The following DCDC1 variants were observed in gnomAD, a reference collection of about 807,000 sequenced individuals.
The protein encoded by DCDC1 is doublecortin domain containing 1.
In DCDC1, 200 loss-of-function variants were observed where a neutral mutation model predicts 178.3. The observed-to-expected ratio is 1.12, with a 90% CI of 1.00 to 1.26. DCDC1 has a LOEUF of 1.26. DCDC1 is among the 50% of genes most tolerant of loss of function. DCDC1 has a pLI of 0.00. For missense variants in DCDC1, 1,983 were observed against 1,749.2 expected, an observed-to-expected ratio of 1.13 and a Z score of -2.38; for synonymous variants, 690 against 604.8, an observed-to-expected ratio of 1.14 and a Z score of -2.07.
At chr11:31,249,843 G>A (rs1392465490) in intron 8 of DCDC1, among the ~76,000 whole-genome samples, 1 of 152,144 alleles carries the variant, frequency 6.6e-6, no homozygotes, top group Non-Finnish European at 1.5e-5. Context: ...TTATCCATAA[G>A]CCTAATCTTA....
chr11:31,095,378 G>A (rs188727328), intron 15 of DCDC1, among the ~76,000 whole-genome samples: 1 of 152,248 alleles, frequency 6.6e-6, no homozygotes, highest in East Asian at 1.9e-4. Flanking sequence ...TTCCACAGTG[G>A]TTGAACTAAT....
intron 19 of DCDC1, 71 bp from the exon 20 acceptor site, chr11:31,064,697 A>G (rs1956151039): frequency 1.4e-6 from 1 of 732,226 alleles, no homozygotes; most frequent in Non-Finnish European, 2.5e-6. Context: ...ATACATGCCA[A>G]AAATATAACA....
intron 7 of DCDC1, among the ~76,000 whole-genome samples, chr11:31,281,634 T>C (rs776130027): frequency 1.3e-5 from 2 of 152,120 alleles, no homozygotes; most frequent in Non-Finnish European, 2.9e-5. Flanking sequence ...ACTCCCATAA[T>C]TCCGTTTTGT....
Position 30,931,941 on chromosome 11 carries a change from C to T in DCDC1, c.2727G>A (p.Trp909Ter). The change falls in exon 22 of 39, where the codon TGG becomes TGA. Residue 909 changes from tryptophan to a stop codon, truncating the protein, a stop_gained. Coordinates refer to ENST00000684477, the MANE Select transcript of DCDC1 (RefSeq NM_001387274.1). LOFTEE classifies it high-confidence loss of function. ...TCGGAACAAGCAGTCCTTGTATTGGCCAATCAAACTCCTTCAGAAAGAAAT... is the reference window on the plus strand; with the variant it reads ...TCGGAACAAGCAGTCCTTGTATTGGTCAATCAAACTCCTTCAGAAAGAAAT... ...PSGQLNEEFD[W>*]PIQGLLVPSS... 1.2e-6 allele frequency: 2 copies of T among 1,604,824 alleles called. No individual in the cohort carries two copies. The highest frequency in any genetic ancestry group is 8.5e-7 in the Non-Finnish European group (1 of 1,176,258).
chr11:31,158,269 C>T (rs911883679), intron 9 of DCDC1, among the ~76,000 whole-genome samples: 2 of 151,762 alleles, frequency 1.3e-5, no homozygotes, highest in Admixed American at 1.3e-4. Flanking sequence ...CCATCACGCC[C>T]GGCTAATTTT....
chr11:30,880,096 G>A (rs1942512645), intron 37 of DCDC1, among the ~76,000 whole-genome samples: 1 of 152,076 alleles, frequency 6.6e-6, no homozygotes, highest in Admixed American at 6.6e-5. Flanking sequence ...CTACAAACTG[G>A]GGATACAGAA....
intron 17 of DCDC1, among the ~76,000 whole-genome samples, chr11:31,088,899 C>CA (rs1161273449): frequency 6.6e-6 from 1 of 152,126 alleles, no homozygotes; most frequent in East Asian, 1.9e-4. Context: ...TGGAATTCCA[C>CA]ATGTCACCCA....
intron 34 of DCDC1, 145 bp from the exon 35 acceptor site, chr11:30,894,529 A>G (rs1415666989): frequency 2.5e-6 from 3 of 1,177,072 alleles, no homozygotes; most frequent in Non-Finnish European, 3.5e-6. Flanking sequence ...AAAGATGCCT[A>G]AGGTAATAAT....
chr11:31,354,630 C>T (rs193070884), intron 1 of DCDC1, among the ~76,000 whole-genome samples: 4 of 152,244 alleles, frequency 2.6e-5, no homozygotes, highest in South Asian at 2.1e-4. Flanking sequence ...CATATTATCA[C>T]GCAAAAAGTG....
Position 31,087,668 on chromosome 11 carries a change from C to T in DCDC1, c.2237+3725G>A, listed in dbSNP as rs142943181. Among the ~76,000 whole-genome samples the T allele has an allele frequency of 2.0e-3, 297 of 152,180 alleles. 4 individuals carry two copies. The highest frequency in any genetic ancestry group is 6.5e-3 in the African/African-American group (272 of 41,550). ...AACTTGCCACTATATTTTAGTTTAA[C>T]TCCATTATCATCAGAGAACACACTC... is the stretch of plus-strand genomic sequence containing the variant. On this transcript the variant is annotated intron_variant, in intron 17 of 38. Coordinates refer to ENST00000684477, the MANE Select transcript of DCDC1 (RefSeq NM_001387274.1).
chr11:31,100,824 A>G (rs1958459400), intron 15 of DCDC1, among the ~76,000 whole-genome samples: 1 of 152,228 alleles, frequency 6.6e-6, no homozygotes, highest in African/African-American at 2.4e-5. Context: ...TCAGCAGGAA[A>G]ATAATGCTAC....
At chr11:30,985,191 TAA>T (rs1459484889) in intron 20 of DCDC1, among the ~76,000 whole-genome samples, 5 of 152,190 alleles carry the variant, frequency 3.3e-5, no homozygotes, top group African/African-American at 1.2e-4. Context: ...TTGTGAATCT[TAA>T]AAGATTTTAA....
chr11:30,952,952 T>C (rs547175605), intron 20 of DCDC1, among the ~76,000 whole-genome samples: 2 of 152,098 alleles, frequency 1.3e-5, no homozygotes, highest in African/African-American at 2.4e-5. Context: ...GGATACATTA[T>C]TAAAAGACCA....
At chr11:31,123,198 C>A (rs1322296365) in intron 11 of DCDC1, among the ~76,000 whole-genome samples, 3 of 152,038 alleles carry the variant, frequency 2.0e-5, no homozygotes, top group Non-Finnish European at 4.4e-5. Context: ...TTTATAAATA[C>A]TCTGACCACA....
At chr11:31,076,057 C>T (rs1956847234) in intron 18 of DCDC1, among the ~76,000 whole-genome samples, 2 of 152,270 alleles carry the variant, frequency 1.3e-5, no homozygotes. Flanking sequence ...CGGGGTTTCT[C>T]CATGTTGGTC....
chr11:30,884,860 A>G (rs1009002651), intron 36 of DCDC1, among the ~76,000 whole-genome samples: 18 of 152,058 alleles, frequency 1.2e-4, no homozygotes, highest in African/African-American at 4.3e-4. Flanking sequence ...TAAAAGGTGT[A>G]AATTCTTAGG....
intron 22 of DCDC1, among the ~76,000 whole-genome samples, chr11:30,927,338 G>A (rs1036763365): frequency 5.3e-5 from 8 of 151,592 alleles, no homozygotes; most frequent in African/African-American, 1.7e-4. Context: ...AAAGTTAGTT[G>A]GGAGTTCCTT....
At chr11:31,277,432 A>G (rs994169926) in intron 7 of DCDC1, among the ~76,000 whole-genome samples, 2 of 152,172 alleles carry the variant, frequency 1.3e-5, no homozygotes, top group African/African-American at 4.8e-5. Context: ...ATCTTGGTAT[A>G]TATCTAAAAA....
chr11:31,144,157 G>A (rs984996383), intron 9 of DCDC1, among the ~76,000 whole-genome samples: 1 of 151,960 alleles, frequency 6.6e-6, no homozygotes, highest in East Asian at 1.9e-4. Context: ...TTGAGACAGG[G>A]TCTTTCTTGC....
Sources: gnomAD v4.1 joint callset for allele counts (sites outside exome capture counted in the v4.1 genomes callset) on GRCh38, gnomAD v4.1.1 for gene constraint, MANE v1.5 for transcripts, NCBI Gene and HGNC (gene_info 2026-07-23, HGNC 2026-07-21) for gene names.